JAZF1: variants seen among roughly 807,000 people sequenced by gnomAD.
JAZF1 encodes juxtaposed with another zinc finger protein 1.
JAZF1 carries 8 observed loss-of-function variants against 26.4 expected under a neutral mutation model. That is an observed-to-expected ratio of 0.30 (90% CI 0.18 to 0.55). The LOEUF is 0.55. Ranked by LOEUF, JAZF1 falls within the 20% of genes least tolerant of loss-of-function variation. The pLI, the probability that JAZF1 is intolerant of heterozygous loss-of-function variation, is 0.94. For missense variants in JAZF1, 199 were observed against 322.0 expected, an observed-to-expected ratio of 0.62 and a Z score of 2.92; for synonymous variants, 126 against 122.3, an observed-to-expected ratio of 1.03 and a Z score of -0.20.
chr7:27,895,341 CAG>C lies in JAZF1; in HGVS notation c.262_263del (p.Leu88ValfsTer45). On this transcript the variant is annotated frameshift_variant, in exon 3 of 5. Transcript: ENST00000283928. LOFTEE classifies it high-confidence loss of function. ...CATTCCCTCGAGACACTGAGCTGGA[CAG>C]AGTCAGCGAGAGCTTCGGCTGAATC... The part of the protein sequence containing the change: ...KKIQPKLSLT[L>X]SSSVSRGNVS... The C allele has an allele frequency of 6.2e-7, 1 of 1,610,480 alleles. No homozygotes were observed. Among genetic ancestry groups the C allele is most frequent in the South Asian group, 1.1e-5 (1 of 90,354 alleles).
At chr7:28,112,584 G>A (rs1784679933) in intron 1 of JAZF1, among the ~76,000 whole-genome samples, 1 of 151,806 alleles carries the variant, frequency 6.6e-6, no homozygotes, top group Non-Finnish European at 1.5e-5. Context: ...GATCAATTAT[G>A]GGCAGCAATG....
chr7:27,920,560 G>GA (rs1312532115), intron 2 of JAZF1, among the ~76,000 whole-genome samples: 1 of 152,108 alleles, frequency 6.6e-6, no homozygotes, highest in African/African-American at 2.4e-5. Flanking sequence ...CCTGACATCA[G>GA]AAAAAACTTT....
At chr7:27,920,970 A>C (rs1466239096) in intron 2 of JAZF1, among the ~76,000 whole-genome samples, 2 of 152,224 alleles carry the variant, frequency 1.3e-5, no homozygotes, top group African/African-American at 4.8e-5. Flanking sequence ...TAATGCACAA[A>C]AATATATTTT....
At chr7:28,179,717 G>A (rs963133887) in intron 1 of JAZF1, among the ~76,000 whole-genome samples, 6 of 148,004 alleles carry the variant, frequency 4.1e-5, no homozygotes, top group African/African-American at 1.5e-4. Flanking sequence ...CAGAGCCCCC[G>A]GGCCCGCGTC....
At chr7:27,835,920 G>A (rs963372584) in intron 4 of JAZF1, among the ~76,000 whole-genome samples, 2 of 152,198 alleles carry the variant, frequency 1.3e-5, no homozygotes, top group South Asian at 2.1e-4. Context: ...AAAGGGCAAG[G>A]AAAGTTGCTA....
At chr7:27,869,575 C>T (rs1783544595) in intron 3 of JAZF1, among the ~76,000 whole-genome samples, 1 of 152,136 alleles carries the variant, frequency 6.6e-6, no homozygotes, top group Admixed American at 6.5e-5. Flanking sequence ...ATTTGGGTCC[C>T]TTCCTAGTGT....
At chr7:28,053,955 C>T (rs1783657020) in intron 1 of JAZF1, among the ~76,000 whole-genome samples, 1 of 152,176 alleles carries the variant, frequency 6.6e-6, no homozygotes, top group Non-Finnish European at 1.5e-5. Flanking sequence ...AAAAGGAAAG[C>T]CATTAGTCTT....
rs891010662 is a variant in JAZF1, at chr7:27,832,089, G to A, written c.*711C>T. On this transcript the variant is annotated 3_prime_UTR_variant, in exon 5 of 5. Coordinates refer to ENST00000283928, the MANE Select transcript of JAZF1 (RefSeq NM_175061.4). ...ATCAATGTGTGTTAAATGAATGAAC[G>A]AACTGAATAGACTATTTTGTACAAA... 5.2e-5 allele frequency: 11 copies of A among 211,746 alleles called. No homozygotes were observed. Among genetic ancestry groups the A allele is most frequent in the Admixed American group, 1.8e-4 (3 of 16,982 alleles). The allele number at this position is 211,746 out of a possible 1,614,324, so 13.1% of individuals were successfully genotyped here.
rs1269144788 is a variant in JAZF1 at position 28,025,350 on chromosome 7, C to T, written c.116-33369G>A. Reference sequence around the variant, plus strand: ...ACTAAAATTTTCAGTGTAGGTAATACGTTCTCCATACAGCAACATCGTATC... The same window carrying T: ...ACTAAAATTTTCAGTGTAGGTAATATGTTCTCCATACAGCAACATCGTATC... On this transcript the variant is annotated intron_variant, in intron 1 of 4. Transcript: ENST00000283928. Among the ~76,000 whole-genome samples the T allele has an allele frequency of 5.9e-5, 9 of 152,204 alleles. No homozygotes were observed. The South Asian group carries it at 8.3e-4, about 14-fold the overall frequency.
rs143427253 is a variant in JAZF1, at chr7:27,947,295, C to T, written c.188+44614G>A. The stretch of plus-strand genomic sequence containing the variant: ...CATGTTTGCAAAACAGCTTTAAATG[C>T]TTTCAAATACTTCCAAGATTAAAAT... On this transcript the variant is annotated intron_variant, in intron 2 of 4. Transcript: ENST00000283928. Among the ~76,000 whole-genome samples the T allele has an allele frequency of 5.8e-3, 878 of 152,270 alleles. 10 individuals carry two copies. Among genetic ancestry groups the T allele is most frequent in the African/African-American group, 0.02 (840 of 41,548 alleles).
Position 28,157,416 on chromosome 7 carries a change from C to T in JAZF1, c.115+23047G>A, listed in dbSNP as rs943487518. ...ATTGCAGCACAAAAGCAGTCACAGA[C>T]GGTATAAAAATAAGGAGTATGACTG... is the stretch of plus-strand genomic sequence containing the variant. On this transcript the variant is annotated intron_variant, in intron 1 of 4. Coordinates refer to ENST00000283928, the MANE Select transcript of JAZF1 (RefSeq NM_175061.4). 6.6e-5 allele frequency among the ~76,000 whole-genome samples: 10 copies of T among 152,274 alleles called. No individual in the cohort carries two copies. The South Asian group carries it at 1.2e-3, about 19-fold the overall frequency.
intron 1 of JAZF1, among the ~76,000 whole-genome samples, chr7:28,056,445 C>T (rs1377921062): frequency 7.6e-6 from 1 of 131,350 alleles, no homozygotes; most frequent in African/African-American, 3.3e-5. Flanking sequence ...TACACACACA[C>T]ACACACACAC....
intron 1 of JAZF1, among the ~76,000 whole-genome samples, chr7:28,082,711 C>G (rs1462481632): frequency 1.3e-5 from 2 of 152,112 alleles, no homozygotes; most frequent in Non-Finnish European, 2.9e-5. Context: ...GGAACCTTAC[C>G]CCTCACATCC....
chr7:27,979,148 A>C (rs1343748524), intron 2 of JAZF1, among the ~76,000 whole-genome samples: 1 of 152,156 alleles, frequency 6.6e-6, no homozygotes, highest in Non-Finnish European at 1.5e-5. Flanking sequence ...AAGTTATAAG[A>C]ACATAGTATA....
chr7:27,908,639 A>G (rs1182177025), intron 2 of JAZF1, among the ~76,000 whole-genome samples: 1 of 152,222 alleles, frequency 6.6e-6, no homozygotes, highest in Non-Finnish European at 1.5e-5. Flanking sequence ...TTTCCAAAAA[A>G]ACAGGACAGT....
intron 1 of JAZF1, among the ~76,000 whole-genome samples, chr7:28,080,745 T>C (rs1474403889): frequency 6.6e-6 from 1 of 152,088 alleles, no homozygotes; most frequent in Admixed American, 6.5e-5. Flanking sequence ...AAGTTCACCG[T>C]CTTATATGGG....
At chr7:28,100,098 CA>C (rs1287504145) in intron 1 of JAZF1, among the ~76,000 whole-genome samples, 1 of 152,340 alleles carries the variant, frequency 6.6e-6, no homozygotes, top group East Asian at 1.9e-4. Flanking sequence ...GAATCATGGA[CA>C]GTGTGTTCCA....
intron 1 of JAZF1, among the ~76,000 whole-genome samples, chr7:28,167,200 T>C (rs1783382902): frequency 6.6e-6 from 1 of 152,208 alleles, no homozygotes; most frequent in Admixed American, 6.5e-5. Flanking sequence ...CAAGGTCACG[T>C]AGCCTGTGGG....
At chr7:28,173,251 G>T (rs1284147231) in intron 1 of JAZF1, among the ~76,000 whole-genome samples, 5 of 152,166 alleles carry the variant, frequency 3.3e-5, no homozygotes, top group Non-Finnish European at 7.3e-5. Context: ...TACATGTCTG[G>T]TCTCTCCAAA....
Sources: allele counts gnomAD v4.1 joint callset (sites outside exome capture counted in the v4.1 genomes callset), GRCh38; gene constraint gnomAD v4.1.1; transcripts MANE v1.5; gene names NCBI Gene and HGNC (gene_info 2026-07-23, HGNC 2026-07-21).